Variants in ADAM19 observed in about 807,000 individuals in gnomAD.
ADAM19 encodes ADAM metallopeptidase domain 19, also known as disintegrin and metalloproteinase domain-containing protein 19.
In ADAM19, 65 loss-of-function variants were observed where a neutral mutation model predicts 114.7. That is an observed-to-expected ratio of 0.57 (90% CI 0.46 to 0.70). ADAM19 has a LOEUF of 0.70. ADAM19 is among the 30% of genes least tolerant of loss of function. ADAM19 has a pLI of 0.00. For synonymous variants in ADAM19, 466 were observed against 460.5 expected (o/e 1.01, Z -0.15); for missense variants, 1,063 against 1,204.7 (o/e 0.88, Z 1.74).
At chr5:157,539,021 C>G (rs1164240944) in intron 3 of ADAM19, among the ~76,000 whole-genome samples, 1 of 151,814 alleles carries the variant, frequency 6.6e-6, no homozygotes, top group Admixed American at 6.6e-5. Context: ...AAAAATTAGC[C>G]AGGTGTGGTA....
rs914968461 is a variant in ADAM19 at position 157,544,991 on chromosome 5, G to A, written c.252-7000C>T. On this transcript the variant is annotated intron_variant, in intron 3 of 22. Transcript: ENST00000257527. ...GAGATCACTGGAGCTGTGAGAATATGCTTAGAAAAAAGGGAATAAGCGGAC... is the reference window on the plus strand; with the variant it reads ...GAGATCACTGGAGCTGTGAGAATATACTTAGAAAAAAGGGAATAAGCGGAC... 1.8e-4 allele frequency among the ~76,000 whole-genome samples: 28 copies of A among 152,184 alleles called. 1 individual carries two copies.
Position 157,480,821 on chromosome 5 carries a change from TG to T in ADAM19, c.*127del. On this transcript the variant is annotated 3_prime_UTR_variant, in exon 23 of 23. Coordinates refer to ENST00000257527, the MANE Select transcript of ADAM19 (RefSeq NM_033274.5). ...GTCAACAGGGAGATTTTTGGAGATG[TG>T]GAGGTTCCTGGAGGAGGGTGGGAGG... The T allele has an allele frequency of 6.6e-7, 1 of 1,510,784 alleles. No homozygotes were observed. The highest frequency in any genetic ancestry group is 2.4e-5 in the Admixed American group (1 of 42,022). 93.6% of individuals were successfully genotyped at this position (1,510,784 alleles called of 1,614,324 possible). A position where few individuals can be genotyped will look rare whatever the true frequency, so the allele number is the denominator to read the frequency against.
rs1452116781 is a variant in ADAM19, at chr5:157,479,130, G to T, written c.*1819C>A. 4 of 985,800 alleles carry T rather than the reference G, an allele frequency of 4.1e-6. No individual in the cohort carries two copies. Among genetic ancestry groups the T allele is most frequent in the Non-Finnish European group, 4.8e-6 (4 of 829,996 alleles). The allele number at this position is 985,800 out of a possible 1,614,324, so 61.1% of individuals were successfully genotyped here. ...CACAGCAAGGATGACCCACAGCAAG[G>T]ATGACCCACGGCAAGGACATGGGGA... is the stretch of plus-strand genomic sequence containing the variant. On this transcript the variant is annotated 3_prime_UTR_variant, in exon 23 of 23. Coordinates refer to ENST00000257527, the MANE Select transcript of ADAM19 (RefSeq NM_033274.5).
At chr5:157,567,536 G>A (rs972439952) in intron 2 of ADAM19, among the ~76,000 whole-genome samples, 20 of 152,188 alleles carry the variant, frequency 1.3e-4, no homozygotes, top group African/African-American at 4.3e-4. Context: ...GGTGGCTCAC[G>A]CCTGTAATCC....
intron 5 of ADAM19, among the ~76,000 whole-genome samples, chr5:157,522,696 G>C (rs112837501): frequency 6.6e-6 from 1 of 152,166 alleles, no homozygotes; most frequent in Non-Finnish European, 1.5e-5. Flanking sequence ...TGAGGCAGGA[G>C]AATTGCTTGA....
At chr5:157,523,424 A>T (rs1395086587) in intron 5 of ADAM19, among the ~76,000 whole-genome samples, 1 of 152,160 alleles carries the variant, frequency 6.6e-6, no homozygotes, top group Non-Finnish European at 1.5e-5. Flanking sequence ...CATGGGGTGG[A>T]TCCCTCATGA....
Position 157,509,434 on chromosome 5 carries a change from C to A in ADAM19, c.772G>T (p.Val258Leu). 2 of 1,608,788 alleles carry A rather than the reference C, an allele frequency of 1.2e-6. No individual in the cohort carries two copies. The highest frequency in any genetic ancestry group is 1.7e-6 in the Non-Finnish European group (2 of 1,177,070). Reference protein sequence around the residue: ...YRSLNIRIALVGLEVWTHGNM... With the variant: ...YRSLNIRIALLGLEVWTHGNM... ...CCGTGGGTCCACACTTCCAAGCCCA[C>A]GAGAGCAATCCGGATGTTCAAGGAT... The change falls in exon 9 of 23, where the codon GTG (valine) becomes TTG (leucine). Residue 258 changes from valine (V) to leucine (L), a missense_variant. Physicochemically the swap from Val to Leu is conservative, Grantham distance 32 (BLOSUM62 1). Around this residue, in one of 3 missense-constraint regions of ADAM19, gnomAD observed 615 missense variants for 706.3 expected, o/e 0.87. Transcript: ENST00000257527.
At chr5:157,487,105 T>C (rs1366939741) in intron 21 of ADAM19, among the ~76,000 whole-genome samples, 1 of 152,130 alleles carries the variant, frequency 6.6e-6, no homozygotes, top group African/African-American at 2.4e-5. Flanking sequence ...TAAGTGTCTG[T>C]TTTGAAGCCA....
At chr5:157,555,074 G>T (rs1355570992) in intron 3 of ADAM19, among the ~76,000 whole-genome samples, 1 of 152,218 alleles carries the variant, frequency 6.6e-6, no homozygotes, top group Non-Finnish European at 1.5e-5. Flanking sequence ...ATGCATCTGA[G>T]AGGCAATATA....
At chr5:157,523,941 C>T (rs1307492518) in intron 5 of ADAM19, among the ~76,000 whole-genome samples, 1 of 152,188 alleles carries the variant, frequency 6.6e-6, no homozygotes, top group African/African-American at 2.4e-5. Context: ...CTCAGAAGGA[C>T]CCTGAAGGTC....
chr5:157,539,085 G>A (rs1465944223), intron 3 of ADAM19, among the ~76,000 whole-genome samples: 1 of 151,612 alleles, frequency 6.6e-6, no homozygotes, highest in Non-Finnish European at 1.5e-5. Flanking sequence ...CCTGGGGGGT[G>A]GAGGTTGCAG....
chr5:157,533,712 A>G (rs1169759338), intron 4 of ADAM19, among the ~76,000 whole-genome samples: 1 of 152,154 alleles, frequency 6.6e-6, no homozygotes, highest in African/African-American at 2.4e-5. Flanking sequence ...CATGCCCGTA[A>G]TCCCAGCACT....
At chr5:157,502,677 G>A in intron 12 of ADAM19, 126 bp downstream of exon 12, 2 of 1,010,970 alleles carry the variant, frequency 2.0e-6, no homozygotes, top group Non-Finnish European at 3.0e-6. Context: ...TTTTCATGGG[G>A]TATTGGACAG....
In ADAM19 at chr5:157,491,863, C is replaced by T. The variant is rs778063164; in HGVS notation, c.1958G>A (p.Gly653Asp). ...ATGGCCATTGCACTTCTTCCCACAGCCTTCAGTTTCAAAGAAGGAGGTGTT... is the reference window on the plus strand; with the variant it reads ...ATGGCCATTGCACTTCTTCCCACAGTCTTCAGTTTCAAAGAAGGAGGTGTT... ...CRNTSFFETEGCGKKCNGHGV... is the reference protein window; with the variant it reads ...CRNTSFFETEDCGKKCNGHGV... The change falls in exon 17 of 23, where the codon GGC (glycine) becomes GAC (aspartate). Residue 653 changes from glycine (G) to aspartate (D), a missense_variant. Around this residue, in one of 3 missense-constraint regions of ADAM19, gnomAD observed 424 missense variants for 445.5 expected, o/e 0.95. Transcript: ENST00000257527. 1.2e-6 allele frequency: 2 copies of T among 1,614,226 alleles called. No individual in the cohort carries two copies. The highest frequency in any genetic ancestry group is 1.7e-6 in the Non-Finnish European group (2 of 1,180,046).
intron 3 of ADAM19, among the ~76,000 whole-genome samples, chr5:157,562,675 C>A (rs1757540548): frequency 6.6e-6 from 1 of 152,172 alleles, no homozygotes; most frequent in Non-Finnish European, 1.5e-5. Flanking sequence ...TGCTGGGTGG[C>A]CTCAGACAAA....
chr5:157,561,523 T>C (rs141295542), intron 3 of ADAM19, among the ~76,000 whole-genome samples: 2,110 of 152,220 alleles, frequency 0.014, 45 homozygotes, highest in African/African-American at 0.048. Context: ...GAGAATCCAG[T>C]GTATGGGGAA....
chr5:157,539,169 AAGAG>A (rs1017807033), intron 3 of ADAM19, among the ~76,000 whole-genome samples: 9 of 151,504 alleles, frequency 5.9e-5, no homozygotes, highest in East Asian at 1.9e-4. Flanking sequence ...AAAAAAAAAA[AAGAG>A]AGAGAGAAAC....
intron 5 of ADAM19, among the ~76,000 whole-genome samples, chr5:157,529,388 C>T (rs953942245): frequency 7.9e-5 from 12 of 151,610 alleles, no homozygotes; most frequent in Non-Finnish European, 1.6e-4. Flanking sequence ...TGTCAACATA[C>T]ATGTGTAGAT....
intron 4 of ADAM19, among the ~76,000 whole-genome samples, chr5:157,532,144 C>T (rs1037848496): frequency 6.6e-6 from 1 of 152,090 alleles, no homozygotes; most frequent in African/African-American, 2.4e-5. Flanking sequence ...TGCTGCTCTC[C>T]AGCCACTGTG....
Sources: gnomAD v4.1 joint callset for allele counts (sites outside exome capture counted in the v4.1 genomes callset) on GRCh38, gnomAD v4.1.1 for gene constraint, gnomAD v4.1.1 regional missense constraint, MANE v1.5 for transcripts, NCBI Gene and HGNC (gene_info 2026-07-23, HGNC 2026-07-21) for gene names.